Variants in RUFY4 observed in about 807,000 individuals in gnomAD.
RUFY4 encodes the protein RUN and FYVE domain containing 4, also known as RUN and FYVE domain-containing protein 4.
In RUFY4, 73 loss-of-function variants were observed where a neutral mutation model predicts 69.0. The ratio of observed to expected loss-of-function variants is 1.06; its 90% CI spans 0.88 to 1.29. RUFY4 has a LOEUF of 1.29. Ranked by LOEUF, RUFY4 falls within the 50% of genes most tolerant of loss-of-function variation. The pLI is 0.00. For missense variants in RUFY4, 770 were observed against 705.6 expected (o/e 1.09, Z -1.03); for synonymous variants, 287 against 271.8 (o/e 1.06, Z -0.55).
intron 2 of RUFY4, among the ~76,000 whole-genome samples, chr2:218,057,332 T>C (rs1265699054): frequency 2.6e-5 from 4 of 152,248 alleles, no homozygotes; most frequent in Non-Finnish European, 5.9e-5. Flanking sequence ...CATCTCTAGA[T>C]TTTATGTGAC....
upstream of RUFY4, chr2:218,070,350 G>A (rs56089350): frequency 1.7e-3 from 972 of 557,390 alleles, 4 homozygotes; most frequent in African/African-American, 0.014. Flanking sequence ...AGGACATCAA[G>A]TGTTAGCACA....
chr2:218,078,868 G>C (rs913027955), intron 8 of RUFY4, among the ~76,000 whole-genome samples: 1 of 151,912 alleles, frequency 6.6e-6, no homozygotes, highest in Non-Finnish European at 1.5e-5. Flanking sequence ...TTTTTGTTTT[G>C]TTTTGTTTTT....
rs112404467 is a variant in RUFY4 at position 218,077,008 on chromosome 2, C to T, written c.1355+475C>T. Among the ~76,000 whole-genome samples, 1,294 of 152,298 alleles carry T rather than the reference C, an allele frequency of 8.5e-3. 21 individuals are homozygous for T. The highest frequency in any genetic ancestry group is 0.027 in the African/African-American group (1,141 of 41,552). On this transcript the variant is annotated intron_variant, in intron 8 of 10. Transcript: ENST00000344321. ...GCTATCATTTACTAAGCATTTACTA[C>T]GTCCCAGGCACTGCTGTCGGTGCTT...
At chr2:218,077,946 G>A (rs1689674977) in intron 8 of RUFY4, among the ~76,000 whole-genome samples, 1 of 152,194 alleles carries the variant, frequency 6.6e-6, no homozygotes, top group South Asian at 2.1e-4. Context: ...TAGAGAGATG[G>A]CCTGGCCCTG....
intron 2 of RUFY4, among the ~76,000 whole-genome samples, chr2:218,039,753 C>G (rs1464048237): frequency 6.6e-6 from 1 of 152,230 alleles, no homozygotes; most frequent in Non-Finnish European, 1.5e-5. Context: ...TGCTAACCAT[C>G]CAGACTCTGG....
In RUFY4 at chr2:218,075,627, G is replaced by A. The variant is rs186181747; in HGVS notation, c.1135G>A (p.Gly379Arg). The change falls in exon 7 of 11, where the codon GGA becomes AGA. Residue 379 changes from glycine (G) to arginine (R), a missense_variant. Coordinates refer to ENST00000344321, the Ensembl canonical transcript of RUFY4. ...CCTGGGGGAGCCCTGGGTCCTTCAG[G>A]GACACGCAACAAAGGAAGACTCTAC... 31 of 1,518,852 alleles carry A rather than the reference G, an allele frequency of 2.0e-5. No homozygotes were observed. The East Asian group carries it at 6.8e-4, about 33-fold the overall frequency. 94.1% of individuals were successfully genotyped at this position (1,518,852 alleles called of 1,614,324 possible).
chr2:218,082,740 T>A (rs867094846), intron 8 of RUFY4, among the ~76,000 whole-genome samples: 36 of 152,016 alleles, frequency 2.4e-4, no homozygotes, highest in African/African-American at 8.4e-4. Context: ...TGTTTATGTG[T>A]GTGGTGTGTG....
At chr2:218,089,311 G>T (rs1426864125) in exon 10 of RUFY4, 4 of 1,613,864 alleles carry the variant, frequency 2.5e-6, no homozygotes, top group Non-Finnish European at 3.4e-6. Flanking sequence ...CCCGAGTGCT[G>T]TGTGGCCTGT....
intron 9 of RUFY4, among the ~76,000 whole-genome samples, chr2:218,084,720 A>G (rs1358331909): frequency 6.6e-6 from 1 of 152,104 alleles, no homozygotes; most frequent in African/African-American, 2.4e-5. Flanking sequence ...TAAAAGACAT[A>G]TATATATGAT....
chr2:218,061,804 G>GTTC (rs1689200964), intron 3 of RUFY4, among the ~76,000 whole-genome samples: 1 of 152,168 alleles, frequency 6.6e-6, no homozygotes, highest in South Asian at 2.1e-4. Flanking sequence ...TGGGTTTAAT[G>GTTC]TTCAGAAACA....
At chr2:218,051,356 A>G (rs1204709797) in intron 2 of RUFY4, among the ~76,000 whole-genome samples, 1 of 152,156 alleles carries the variant, frequency 6.6e-6, no homozygotes, top group Non-Finnish European at 1.5e-5. Flanking sequence ...GGGGATGTTT[A>G]TATATAACAG....
intron 8 of RUFY4, among the ~76,000 whole-genome samples, chr2:218,080,156 G>A (rs1236732991): frequency 1.3e-5 from 2 of 152,248 alleles, no homozygotes; most frequent in Non-Finnish European, 2.9e-5. Flanking sequence ...GAGAGCGGCA[G>A]AGCCGGAGCC....
intron 2 of RUFY4, among the ~76,000 whole-genome samples, chr2:218,052,831 G>T (rs948058872): frequency 2.4e-5 from 3 of 127,062 alleles, no homozygotes; most frequent in Admixed American, 8.9e-5. Context: ...CCTAAGGCAG[G>T]TCTAAGGTTT....
chr2:218,053,788 G>T (rs371902495), intron 2 of RUFY4, among the ~76,000 whole-genome samples: 2 of 152,160 alleles, frequency 1.3e-5, no homozygotes, highest in Admixed American at 1.3e-4. Context: ...GTGAGCCACC[G>T]CGCCCAGCCG....
intron 5 of RUFY4, 72 bp downstream of exon 7, chr2:218,073,458 GC>G: frequency 1.3e-6 from 2 of 1,541,784 alleles, no homozygotes; most frequent in South Asian, 2.4e-5. Flanking sequence ...TCCCAGGCAA[GC>G]CCCAAGCCCT....
intron 8 of RUFY4, among the ~76,000 whole-genome samples, chr2:218,082,892 C>A (rs1030434934): frequency 2.2e-5 from 1 of 45,140 alleles, no homozygotes; most frequent in Non-Finnish European, 4.3e-5. Flanking sequence ...CTGTGTTGTG[C>A]GTATGTGTTC....
At chr2:218,060,789 A>G (rs1689166071) in intron 3 of RUFY4, 1 of 1,579,944 alleles carries the variant, frequency 6.3e-7, no homozygotes, top group African/African-American at 1.4e-5. Context: ...CAGGATCCGT[A>G]ACAGCATCCA....
intron 2 of RUFY4, among the ~76,000 whole-genome samples, chr2:218,045,808 ATT>A (rs35070780): frequency 0.4 from 59,240 of 146,456 alleles, 12,181 homozygotes; most frequent in Middle Eastern, 0.51. Flanking sequence ...GTACATAGTG[ATT>A]TTTTTTTTTT....
intron 2 of RUFY4, among the ~76,000 whole-genome samples, chr2:218,043,010 G>C (rs1688737527): frequency 6.6e-6 from 1 of 152,172 alleles, no homozygotes; most frequent in Non-Finnish European, 1.5e-5. Flanking sequence ...CTTTGCCCAA[G>C]TTTTGGTCTT....
Sources: allele counts gnomAD v4.1 joint callset (sites outside exome capture counted in the v4.1 genomes callset), GRCh38; gene constraint gnomAD v4.1.1; transcripts MANE v1.5; gene names NCBI Gene and HGNC (gene_info 2026-07-23, HGNC 2026-07-21).